CNTNAP2: variants seen among roughly 807,000 people sequenced by gnomAD.
CNTNAP2 encodes contactin associated protein 2.
A neutral mutation model predicts 155.2 loss-of-function variants in CNTNAP2; 98 were observed. That is an observed-to-expected ratio of 0.63 (90% CI 0.54 to 0.75). The LOEUF is 0.75. CNTNAP2 is among the 30% of genes least tolerant of loss of function. The pLI is 0.00. For missense variants in CNTNAP2, 1,727 were observed against 1,688.1 expected, an observed-to-expected ratio of 1.02 and a Z score of -0.40; for synonymous variants, 651 against 631.2, an observed-to-expected ratio of 1.03 and a Z score of -0.47.
intron 9 of CNTNAP2, among the ~76,000 whole-genome samples, chr7:147,391,269 T>C (rs1284131828): frequency 6.6e-6 from 1 of 152,140 alleles, no homozygotes; most frequent in East Asian, 1.9e-4. Context: ...TGGTCATTCT[T>C]GATTAGAACT....
chr7:147,598,213 G>A (rs143069989), intron 12 of CNTNAP2, among the ~76,000 whole-genome samples: 8 of 150,864 alleles, frequency 5.3e-5, no homozygotes, highest in Admixed American at 3.3e-4. Flanking sequence ...TGTGCAGAAC[G>A]TGCAGGTTTG....
intron 13 of CNTNAP2, among the ~76,000 whole-genome samples, chr7:147,897,379 C>T (rs1799794606): frequency 1.3e-5 from 2 of 152,142 alleles, no homozygotes; most frequent in Admixed American, 6.5e-5. Flanking sequence ...AAGGAGTCAT[C>T]TGCTAGACAA....
At chr7:148,101,625 G>A (rs980062256) in intron 15 of CNTNAP2, among the ~76,000 whole-genome samples, 10 of 152,140 alleles carry the variant, frequency 6.6e-5, no homozygotes, top group Non-Finnish European at 1.3e-4. Context: ...TGCTTTGTTT[G>A]TGCATCTTCC....
intron 15 of CNTNAP2, among the ~76,000 whole-genome samples, chr7:148,054,487 T>C (rs1428974157): frequency 8.7e-6 from 1 of 114,600 alleles, no homozygotes; most frequent in Non-Finnish European, 1.6e-5. Context: ...AGCTGGATAA[T>C]AAAGAGCTTA....
intron 14 of CNTNAP2, among the ~76,000 whole-genome samples, chr7:147,927,757 C>CT (rs1800422841): frequency 1.3e-5 from 2 of 152,242 alleles, no homozygotes; most frequent in African/African-American, 4.8e-5. Flanking sequence ...CCCTGGGTGA[C>CT]TTTTTTCTCA....
chr7:147,319,520 G>A (rs1247170938), intron 9 of CNTNAP2, among the ~76,000 whole-genome samples: 2 of 152,102 alleles, frequency 1.3e-5, no homozygotes, highest in East Asian at 3.9e-4. Flanking sequence ...TGGGACTATA[G>A]GCGTGCACCA....
intron 13 of CNTNAP2, among the ~76,000 whole-genome samples, chr7:147,836,701 A>G (rs1039225403): frequency 2.6e-5 from 4 of 152,202 alleles, no homozygotes; most frequent in Admixed American, 6.5e-5. Flanking sequence ...TTTGCTCATC[A>G]TGACATTTCA....
At chr7:147,315,436 G>A (rs1313207087) in intron 9 of CNTNAP2, among the ~76,000 whole-genome samples, 4 of 148,056 alleles carry the variant, frequency 2.7e-5, no homozygotes, top group Admixed American at 6.7e-5. Flanking sequence ...CGGCAACCAC[G>A]AATCTACTAC....
intron 1 of CNTNAP2, among the ~76,000 whole-genome samples, chr7:146,483,169 G>C (rs188316465): frequency 2.7e-5 from 4 of 149,420 alleles, no homozygotes; most frequent in Non-Finnish European, 3.0e-5. Context: ...TCAGCTACTC[G>C]GGGGGCTGAG....
At chr7:147,368,025 C>T (rs1440235323) in intron 9 of CNTNAP2, among the ~76,000 whole-genome samples, 1 of 116,966 alleles carries the variant, frequency 8.5e-6, no homozygotes, top group East Asian at 2.5e-4. Context: ...CCCCCCCTCC[C>T]CCTCCTCCTC....
chr7:147,835,502 T>C (rs1297776659), intron 13 of CNTNAP2, among the ~76,000 whole-genome samples: 1 of 152,100 alleles, frequency 6.6e-6, no homozygotes, highest in Non-Finnish European at 1.5e-5. Flanking sequence ...TCATCTTTAG[T>C]GGTGGTGAAT....
intron 15 of CNTNAP2, among the ~76,000 whole-genome samples, chr7:148,063,446 C>A (rs1803195900): frequency 6.6e-6 from 1 of 151,710 alleles, no homozygotes; most frequent in South Asian, 2.1e-4. Flanking sequence ...TTCCTTTTTT[C>A]TTTTTTCTTT....
At chr7:146,461,423 A>AT (rs1796635748) in intron 1 of CNTNAP2, among the ~76,000 whole-genome samples, 1 of 149,360 alleles carries the variant, frequency 6.7e-6, no homozygotes, top group Non-Finnish European at 1.5e-5. Context: ...AAAATATAAT[A>AT]ATAATAATAA....
chr7:146,600,813 G>A (rs1357485519), intron 1 of CNTNAP2, among the ~76,000 whole-genome samples: 1 of 151,970 alleles, frequency 6.6e-6, no homozygotes. Flanking sequence ...TATAATAGCT[G>A]GTCAGTAAAT....
chr7:147,326,165 C>A lies in CNTNAP2; in HGVS notation c.1498+25875C>A, dbSNP rs565076669. Among the ~76,000 whole-genome samples the A allele has an allele frequency of 1.2e-3, 187 of 152,184 alleles. 1 individual carries two copies. Among genetic ancestry groups the A allele is most frequent in the Non-Finnish European group, 2.4e-3 (161 of 68,034 alleles). On this transcript the variant is annotated intron_variant, in intron 9 of 23. Transcript: ENST00000361727. Reference sequence around the variant, plus strand: ...GGTCTCGATCTCCTGACCTGGTGATCCGCCCGCCTTGGCCTCCCAAAGTGC... The same window carrying A: ...GGTCTCGATCTCCTGACCTGGTGATACGCCCGCCTTGGCCTCCCAAAGTGC...
intron 6 of CNTNAP2, among the ~76,000 whole-genome samples, chr7:147,127,000 T>A (rs1236925826): frequency 6.6e-6 from 1 of 152,082 alleles, no homozygotes; most frequent in African/African-American, 2.4e-5. Flanking sequence ...AAGGTCCGAA[T>A]TAAAGAAATA....
At chr7:147,217,176 C>T (rs1803291784) in intron 8 of CNTNAP2, among the ~76,000 whole-genome samples, 1 of 151,808 alleles carries the variant, frequency 6.6e-6, no homozygotes, top group Non-Finnish European at 1.5e-5. Flanking sequence ...AGATAGGACT[C>T]TCAGTACAAT....
At chr7:146,754,583 T>TC in intron 1 of CNTNAP2, among the ~76,000 whole-genome samples, 1 of 151,724 alleles carries the variant, frequency 6.6e-6, no homozygotes, top group Non-Finnish European at 1.5e-5. Context: ...TCTCTCTTTT[T>TC]AACTGAACCT....
chr7:146,256,654 A>C (rs1799842624), intron 1 of CNTNAP2, among the ~76,000 whole-genome samples: 1 of 152,048 alleles, frequency 6.6e-6, no homozygotes, highest in Admixed American at 6.5e-5. Context: ...AAATATGAGA[A>C]AATACTAAGA....
Sources: gnomAD v4.1 joint callset for allele counts (sites outside exome capture counted in the v4.1 genomes callset) on GRCh38, gnomAD v4.1.1 for gene constraint, MANE v1.5 for transcripts, NCBI Gene and HGNC (gene_info 2026-07-23, HGNC 2026-07-21) for gene names.